ACP6: variants seen among roughly 807,000 people sequenced by gnomAD.
ACP6 encodes lysophosphatidic acid phosphatase type 6.
A neutral mutation model predicts 48.1 loss-of-function variants in ACP6; 48 were observed. That is an observed-to-expected ratio of 1.00 (90% confidence interval 0.79 to 1.27). The LOEUF is 1.27. Ranked by LOEUF, ACP6 falls within the 50% of genes most tolerant of loss-of-function variation. The pLI is 0.00. For synonymous variants in ACP6, 172 were observed against 204.2 expected, an observed-to-expected ratio of 0.84 and a Z score of 1.34; for missense variants, 485 against 529.1, an observed-to-expected ratio of 0.92 and a Z score of 0.82.
intron 1 of ACP6, among the ~76,000 whole-genome samples, chr1:147,664,795 C>T (rs909362795): frequency 2.6e-5 from 4 of 152,166 alleles, no homozygotes; most frequent in Non-Finnish European, 5.9e-5. Context: ...TAGAAGCTGA[C>T]ATGTGCTGCA....
rs1051625962 is a variant in ACP6, at chr1:147,654,417, C to G, written c.648-91G>C. On this transcript the variant is annotated intron_variant, in intron 5 of 9. Transcript: ENST00000583509. ...ACACTTGGGTTATCATTTGGGATATCATTTAATCCCCACAACCCAATGGGG... is the reference window on the plus strand; with the variant it reads ...ACACTTGGGTTATCATTTGGGATATGATTTAATCCCCACAACCCAATGGGG... 5.5e-6 allele frequency: 8 copies of G among 1,449,054 alleles called. No homozygotes were observed. The African/African-American group carries it at 9.8e-5, about 18-fold the overall frequency. The allele number at this position is 1,449,054 out of a possible 1,614,324, so 89.8% of individuals were successfully genotyped here.
At chr1:147,666,879 A>C (rs1211634715) in intron 1 of ACP6, among the ~76,000 whole-genome samples, 1 of 152,242 alleles carries the variant, frequency 6.6e-6, no homozygotes, top group Non-Finnish European at 1.5e-5. Context: ...GCAATAAAAG[A>C]TTCTTACATT....
At chr1:147,631,478 A>G (rs1296906744) in intron 5 of ACP6, among the ~76,000 whole-genome samples, 1 of 152,116 alleles carries the variant, frequency 6.6e-6, no homozygotes, top group Non-Finnish European at 1.5e-5. Flanking sequence ...TTTTCACTCT[A>G]GCTCTTCAGT....
In ACP6 at chr1:147,634,810, T is replaced by C. The variant is rs587733485; in HGVS notation, c.461-3745A>G. 5.3e-5 allele frequency among the ~76,000 whole-genome samples: 8 copies of C among 152,292 alleles called. 1 individual carries two copies. The South Asian group carries it at 8.3e-4, about 16-fold the overall frequency. ...CTGAGCTCATCAAACCCAGAGTCTATTGAAGAAGTCAAACACTGAATAAGC... is the reference window on the plus strand; with the variant it reads ...CTGAGCTCATCAAACCCAGAGTCTACTGAAGAAGTCAAACACTGAATAAGC... On this transcript the variant is annotated intron_variant, in intron 5 of 5. Coordinates refer to the ACP6 transcript ENST00000609196.
intron 8 of ACP6, 104 bp downstream of exon 8, chr1:147,650,039 A>ACT: frequency 1.1e-6 from 1 of 919,508 alleles, no homozygotes; most frequent in Non-Finnish European, 1.7e-6. Context: ...ACCTTCGGTC[A>ACT]CTGACAGCCT....
intron 7 of ACP6, 36 bp from the exon 8 acceptor site, chr1:147,650,274 G>T: frequency 1.3e-6 from 2 of 1,485,750 alleles, no homozygotes; most frequent in Non-Finnish European, 1.8e-6. Flanking sequence ...CACCTAGAGG[G>T]CACTCAGCAT....
At chr1:147,632,194 A>AACACACACACAC (rs71584653) in intron 5 of ACP6, among the ~76,000 whole-genome samples, 4,828 of 145,968 alleles carry the variant, frequency 0.033, 146 homozygotes, top group African/African-American at 0.09. Flanking sequence ...ACCTATGCCC[A>AACACACACACAC]ACACACACAC....
At chr1:147,652,367 G>T in intron 7 of ACP6, 82 bp downstream of exon 7, 1 of 1,367,868 alleles carries the variant, frequency 7.3e-7, no homozygotes, top group Non-Finnish European at 1.0e-6. Flanking sequence ...TCAGGTGTGA[G>T]TGGGCCTGAT....
At chr1:147,656,538 A>G (rs181301459) in intron 4 of ACP6, among the ~76,000 whole-genome samples, 1 of 152,344 alleles carries the variant, frequency 6.6e-6, no homozygotes, top group Non-Finnish European at 1.5e-5. Flanking sequence ...ATGTCCTCAA[A>G]TAAACAGTTG....
intron 8 of ACP6, chr1:147,649,898 T>C (rs1659827289): frequency 1.9e-6 from 1 of 517,038 alleles, no homozygotes; most frequent in African/African-American, 2.0e-5. Context: ...GTTTGACATA[T>C]CTTCAATTAA....
chr1:147,644,892 T>C lies in ACP6; in HGVS notation c.*2531A>G, dbSNP rs1659566047. 6.6e-6 allele frequency: 1 copy of C among 152,174 alleles called. No individual in the cohort carries two copies. Among genetic ancestry groups the C allele is most frequent in the Admixed American group, 6.5e-5 (1 of 15,278 alleles). The allele number at this position is 152,174 out of a possible 1,614,324, so 9.4% of individuals were successfully genotyped here. On this transcript the variant is annotated 3_prime_UTR_variant, in exon 10 of 10. Transcript: ENST00000583509. ...CCAAATAGAGACATTGATTAGACTG[T>C]TGGAAATGAGACTGGGATTCACAGG...
At position 147,670,014 on chromosome 1, in the gene ACP6, G is replaced by A. The variant is rs782415918; in HGVS notation, c.35C>T (p.Thr12Ile). 2.6e-6 allele frequency: 4 copies of A among 1,544,678 alleles called. No homozygotes were observed. The highest frequency in any genetic ancestry group is 1.8e-4 in the Middle Eastern group (1 of 5,600). The change falls in exon 1 of 10, where the codon ACC becomes ATC. Residue 12 changes from threonine (T) to isoleucine (I), a missense_variant. Thr to Ile is a moderately conservative substitution (Grantham distance 89). Coordinates refer to ENST00000583509, the MANE Select transcript of ACP6 (RefSeq NM_016361.5). The part of the protein sequence containing the change: ...ITGVFSMRLW[T>I]PVGVLTSLAY... ...CAGCGAGGTCAGGACGCCCACTGGG[G>A]TCCACAAGCGCATGCTGAACACACC...
chr1:147,652,753 G>GAA (rs372824445), intron 6 of ACP6: 137,102 of 549,964 alleles, frequency 0.25, 1,665 homozygotes, highest in East Asian at 0.39. Context: ...TGAAGGCCAG[G>GAA]AAAAAAAAAA....
intron 4 of ACP6, among the ~76,000 whole-genome samples, chr1:147,658,240 T>C (rs3766508): frequency 0.37 from 56,825 of 152,166 alleles, 11,227 homozygotes; most frequent in Non-Finnish European, 0.43. Flanking sequence ...ATTTTGTTTC[T>C]ATTTGAGATA....
rs71584653 is a variant in ACP6 at position 147,632,194 on chromosome 1, A to AACACACACACACAC, written c.461-1143_461-1130dup. 6.2e-3 allele frequency among the ~76,000 whole-genome samples: 901 copies of AACACACACACACAC among 146,006 alleles called. 6 individuals carry two copies. Among genetic ancestry groups the AACACACACACACAC allele is most frequent in the African/African-American group, 0.013 (519 of 39,278 alleles). On this transcript the variant is annotated intron_variant, in intron 5 of 5. Transcript: ENST00000609196. ...CCCTGTCAAATACCTACCTATGCCC[A>AACACACACACACAC]ACACACACACACACACACACACACA...
chr1:147,638,765 T>G (rs782257856), downstream of ACP6, among the ~76,000 whole-genome samples: 21 of 152,210 alleles, frequency 1.4e-4, no homozygotes, highest in African/African-American at 5.1e-4. Flanking sequence ...CTGATCCCCA[T>G]ACATGATCAA....
intron 7 of ACP6, chr1:147,650,929 T>C (rs1553210418): frequency 6.6e-6 from 1 of 152,200 alleles, no homozygotes; most frequent in Non-Finnish European, 1.5e-5. Flanking sequence ...CTGATCAGCT[T>C]CCATGGAGAC....
intron 5 of ACP6, among the ~76,000 whole-genome samples, chr1:147,632,990 A>G (rs1553207559): frequency 6.6e-6 from 1 of 152,184 alleles, no homozygotes; most frequent in Non-Finnish European, 1.5e-5. Flanking sequence ...GAGAAGCTGA[A>G]AGAAAGGTAG....
At chr1:147,660,753 T>C (rs1471054231) in intron 1 of ACP6, among the ~76,000 whole-genome samples, 1 of 152,248 alleles carries the variant, frequency 6.6e-6, no homozygotes, top group Admixed American at 6.5e-5. Context: ...TTAAATATTT[T>C]GTTTTATTTT....
Sources: gnomAD v4.1 joint callset for allele counts (sites outside exome capture counted in the v4.1 genomes callset) on GRCh38, gnomAD v4.1.1 for gene constraint, MANE v1.5 for transcripts, NCBI Gene and HGNC (gene_info 2026-07-23, HGNC 2026-07-21) for gene names.